TRPC6: variants seen among roughly 807,000 people sequenced by gnomAD.
TRPC6 encodes short transient receptor potential channel 6.
In TRPC6, 55 loss-of-function variants were observed where a neutral mutation model predicts 90.7. The ratio of observed to expected loss-of-function variants is 0.61; its 90% CI spans 0.49 to 0.76. TRPC6 has a LOEUF of 0.76. Among genes scored for constraint, TRPC6 ranks in the 30% least tolerant of loss-of-function variants. The pLI is 0.00. For missense variants in TRPC6, 989 were observed against 1,122.7 expected (o/e 0.88, Z 1.70); for synonymous variants, 393 against 393.0 (o/e 1.00, Z 0.00).
chr11:101,562,684 C>G (rs1001927943), intron 1 of TRPC6, among the ~76,000 whole-genome samples: 41 of 152,148 alleles, frequency 2.7e-4, no homozygotes, highest in African/African-American at 9.2e-4. Context: ...GTCCTTCTTT[C>G]TGACCCCTGT....
chr11:101,508,486 G>A (rs1860324405), intron 1 of TRPC6, among the ~76,000 whole-genome samples: 1 of 152,008 alleles, frequency 6.6e-6, no homozygotes, highest in African/African-American at 2.4e-5. Flanking sequence ...TGTTACATGA[G>A]GAAACATCAT....
At chr11:101,493,946 C>A (rs1859885581) in intron 2 of TRPC6, among the ~76,000 whole-genome samples, 1 of 152,124 alleles carries the variant, frequency 6.6e-6, no homozygotes, top group Non-Finnish European at 1.5e-5. Flanking sequence ...ATTAAAGAGG[C>A]TACAATTTGC....
intron 2 of TRPC6, among the ~76,000 whole-genome samples, chr11:101,499,603 T>TATATATATATATAC (rs375026688): frequency 2.6e-4 from 18 of 68,706 alleles, no homozygotes; most frequent in African/African-American, 9.5e-4. Flanking sequence ...TATACGTATA[T>TATATATATATATAC]ATGGTATATA....
At chr11:101,471,649 C>T (rs1241554505) in intron 8 of TRPC6, among the ~76,000 whole-genome samples, 1 of 152,104 alleles carries the variant, frequency 6.6e-6, no homozygotes, top group Non-Finnish European at 1.5e-5. Flanking sequence ...AATGTATTTT[C>T]CTACTTTCTG....
intron 1 of TRPC6, among the ~76,000 whole-genome samples, chr11:101,562,446 T>G (rs1861734810): frequency 6.6e-6 from 1 of 152,146 alleles, no homozygotes; most frequent in African/African-American, 2.4e-5. Context: ...GCAAATCCCA[T>G]GTTTTAAAAT....
Position 101,484,803 on chromosome 11 carries a change from C to T in TRPC6, c.1294-1638G>A, listed in dbSNP as rs140246607. On this transcript the variant is annotated intron_variant, in intron 4 of 12. Transcript: ENST00000344327. ...AATCATGCCGAGATTACTTATAATA[C>T]GTAATATCATGTAAATGCTATGTAA... 5.4e-3 allele frequency among the ~76,000 whole-genome samples: 814 copies of T among 151,934 alleles called. 3 individuals are homozygous for T. Among genetic ancestry groups the T allele is most frequent in the African/African-American group, 0.019 (775 of 41,432 alleles).
chr11:101,561,195 T>C (rs1861704271), intron 1 of TRPC6, among the ~76,000 whole-genome samples: 2 of 152,172 alleles, frequency 1.3e-5, no homozygotes, highest in Non-Finnish European at 2.9e-5. Context: ...TTGAGGGTTA[T>C]GGGACTTTTC....
intron 1 of TRPC6, among the ~76,000 whole-genome samples, chr11:101,558,723 A>T (rs1159620199): frequency 6.6e-6 from 1 of 152,026 alleles, no homozygotes; most frequent in Non-Finnish European, 1.5e-5. Context: ...CCTATGGTCA[A>T]ATGATTTTTG....
chr11:101,454,186 T>C (rs1858831277), intron 11 of TRPC6, among the ~76,000 whole-genome samples: 1 of 152,174 alleles, frequency 6.6e-6, no homozygotes, highest in Admixed American at 6.5e-5. Flanking sequence ...CTAGTTTCAA[T>C]GTAATATATT....
intron 5 of TRPC6, 35 bp downstream of exon 5, chr11:101,482,914 G>T (rs1403853362): frequency 1.2e-6 from 2 of 1,606,460 alleles, no homozygotes; most frequent in East Asian, 4.5e-5. Context: ...TGCTAAGACT[G>T]CAAACAGAAA....
chr11:101,537,458 C>G (rs1353998925), intron 1 of TRPC6, among the ~76,000 whole-genome samples: 1 of 151,870 alleles, frequency 6.6e-6, no homozygotes, highest in Non-Finnish European at 1.5e-5. Flanking sequence ...ATACACTATA[C>G]TCTCTCTCTT....
intron 1 of TRPC6, among the ~76,000 whole-genome samples, chr11:101,524,450 C>T (rs1251562345): frequency 6.6e-6 from 1 of 152,184 alleles, no homozygotes; most frequent in Non-Finnish European, 1.5e-5. Flanking sequence ...GGGGTTTCAC[C>T]ATGTTAGCCA....
intron 1 of TRPC6, among the ~76,000 whole-genome samples, chr11:101,538,523 A>G (rs1410576540): frequency 6.6e-6 from 1 of 152,192 alleles, no homozygotes; most frequent in Non-Finnish European, 1.5e-5. Flanking sequence ...TAATCCCTGG[A>G]ACCTGTAAGT....
rs118187773 is a variant in TRPC6 at position 101,495,111 on chromosome 11, C to T, written c.946-3373G>A. ...CTTTGGATCACACACCTACACTGTACATTCATTCATTAATCAAATATGGGT... is the reference window on the plus strand; with the variant it reads ...CTTTGGATCACACACCTACACTGTATATTCATTCATTAATCAAATATGGGT... On this transcript the variant is annotated intron_variant, in intron 2 of 12. Transcript: ENST00000344327. Among the ~76,000 whole-genome samples the T allele has an allele frequency of 2.8e-3, 433 of 152,272 alleles. 1 individual carries two copies. Among genetic ancestry groups the T allele is most frequent in the Non-Finnish European group, 4.7e-3 (320 of 68,020 alleles).
intron 3 of TRPC6, among the ~76,000 whole-genome samples, chr11:101,489,636 A>T (rs897137845): frequency 3.0e-4 from 45 of 148,352 alleles, no homozygotes; most frequent in Non-Finnish European, 1.2e-4. Context: ...AATTTTCAAT[A>T]TTTTTTTTTT....
chr11:101,568,402 G>T (rs1201275558), intron 1 of TRPC6, among the ~76,000 whole-genome samples: 1 of 152,208 alleles, frequency 6.6e-6, no homozygotes, highest in Admixed American at 6.5e-5. Flanking sequence ...GTACCTGAAA[G>T]TGATGGGAAG....
At chr11:101,534,638 C>T (rs2136805538) in intron 1 of TRPC6, among the ~76,000 whole-genome samples, 1 of 151,172 alleles carries the variant, frequency 6.6e-6, no homozygotes, top group African/African-American at 2.4e-5. Context: ...TTAATAACTC[C>T]ATATATTCCT....
intron 2 of TRPC6, among the ~76,000 whole-genome samples, chr11:101,499,157 A>G (rs1860026480): frequency 1.3e-5 from 2 of 152,326 alleles, no homozygotes; most frequent in South Asian, 4.1e-4. Flanking sequence ...GGAATACTGA[A>G]TACCAAACAA....
intron 5 of TRPC6, 120 bp downstream of exon 5, chr11:101,482,829 T>A (rs564599444): frequency 1.8e-5 from 19 of 1,042,886 alleles, no homozygotes; most frequent in Non-Finnish European, 2.8e-5. Context: ...AAAATTATGA[T>A]GTGTGGTGCA....
Sources: allele counts gnomAD v4.1 joint callset (sites outside exome capture counted in the v4.1 genomes callset), GRCh38; gene constraint gnomAD v4.1.1; transcripts MANE v1.5; gene names NCBI Gene and HGNC (gene_info 2026-07-23, HGNC 2026-07-21).